Variants in KSR2 observed in about 807,000 individuals in gnomAD.
KSR2 encodes the protein kinase suppressor of ras 2.
Under a neutral mutation model 107.8 loss-of-function variants are expected in KSR2, and 25 were observed. The observed-to-expected ratio is 0.23, with a 90% CI of 0.17 to 0.32. KSR2 has a LOEUF of 0.32. Among genes scored for constraint, KSR2 ranks in the 10% least tolerant of loss-of-function variants. KSR2 has a pLI of 1.00. For synonymous variants in KSR2, 480 were observed against 507.0 expected (o/e 0.95, Z 0.71); for missense variants, 887 against 1,268.9 (o/e 0.70, Z 4.57).
chr12:117,525,299 C>G, intron 13 of KSR2, 80 bp from the exon 14 acceptor site: 2 of 1,450,220 alleles, frequency 1.4e-6, no homozygotes, highest in Non-Finnish European at 1.8e-6. Context: ...GGGTCCCGTG[C>G]ACATGCGTAG....
At chr12:117,472,425 C>A (rs1871518935) in intron 17 of KSR2, among the ~76,000 whole-genome samples, 1 of 152,266 alleles carries the variant, frequency 6.6e-6, no homozygotes, top group South Asian at 2.1e-4. Flanking sequence ...TGTCACTGAG[C>A]TGTATCATGG....
rs190644428 is a variant in KSR2 at position 117,613,783 on chromosome 12, G to C, written c.1172-31424C>G. 4.6e-5 allele frequency among the ~76,000 whole-genome samples: 7 copies of C among 152,316 alleles called. No homozygotes were observed. The East Asian group carries it at 9.6e-4, about 21-fold the overall frequency. The stretch of plus-strand genomic sequence containing the variant: ...GAGCTGATGTATCTGTTAATGGACT[G>C]GCTGTGTCTCTTTGTGGCTCACAGT... On this transcript the variant is annotated intron_variant, in intron 5 of 19. Coordinates refer to ENST00000339824, the MANE Select transcript of KSR2 (RefSeq NM_173598.6).
At chr12:117,968,017 AAAG>A (rs1896847048) in intron 1 of KSR2, 56 bp downstream of exon 1, 2 of 1,369,208 alleles carry the variant, frequency 1.5e-6, no homozygotes, top group Non-Finnish European at 2.0e-6. Context: ...AAGGAGGGGG[AAAG>A]AAGGATTGCT....
At chr12:117,503,168 G>C (rs1873480865) in intron 14 of KSR2, among the ~76,000 whole-genome samples, 1 of 152,146 alleles carries the variant, frequency 6.6e-6, no homozygotes. Context: ...TCAAAGCCAG[G>C]TTTCAGACCC....
At chr12:117,574,675 T>G (rs1025082397) in intron 7 of KSR2, among the ~76,000 whole-genome samples, 2 of 152,098 alleles carry the variant, frequency 1.3e-5, no homozygotes, top group African/African-American at 2.4e-5. Context: ...AGATGAGATT[T>G]GGGTGGGAAC....
chr12:117,663,725 G>A (rs1884532692), intron 5 of KSR2, among the ~76,000 whole-genome samples: 1 of 152,200 alleles, frequency 6.6e-6, no homozygotes, highest in Non-Finnish European at 1.5e-5. Context: ...GGTAATGAAT[G>A]ATGACAATTA....
intron 1 of KSR2, among the ~76,000 whole-genome samples, chr12:117,908,549 C>A (rs1025055602): frequency 2.6e-5 from 4 of 152,146 alleles, no homozygotes; most frequent in Non-Finnish European, 5.9e-5. Context: ...CAAAGTTAAT[C>A]TTTGGGATCT....
rs757516597 is a variant in KSR2, at chr12:117,539,881, T to A, written c.1525A>T (p.Ile509Phe). 3.1e-6 allele frequency: 5 copies of A among 1,608,004 alleles called. No homozygotes were observed. The highest frequency in any genetic ancestry group is 4.2e-6 in the Non-Finnish European group (5 of 1,177,722). The part of the protein sequence containing the change: ...PKTNKINKDH[I>F]PVPYQPDSSS... ...GAGTCTGGCTGGTAAGGGACAGGGA[T>A]GTGGTCCTGCAGAGAGAAAACAGGG... The change falls in exon 10 of 20, where the codon ATC becomes TTC. Residue 509 changes from isoleucine (I) to phenylalanine (F), a missense_variant. Around this residue, in one of 8 missense-constraint regions of KSR2, gnomAD observed 60 missense variants for 77.5 expected, o/e 0.77. Coordinates refer to ENST00000339824, the MANE Select transcript of KSR2 (RefSeq NM_173598.6).
chr12:117,598,224 G>A (rs2136284849), intron 5 of KSR2, among the ~76,000 whole-genome samples: 1 of 152,244 alleles, frequency 6.6e-6, no homozygotes, highest in East Asian at 1.9e-4. Flanking sequence ...TAAGTGAGAA[G>A]ATACAATAGC....
intron 9 of KSR2, among the ~76,000 whole-genome samples, chr12:117,554,267 G>A (rs551964062): frequency 6.6e-6 from 1 of 152,106 alleles, no homozygotes; most frequent in Non-Finnish European, 1.5e-5. Context: ...TTGAAAGAAA[G>A]ATGCACAGAG....
At chr12:117,731,666 G>A (rs1393678264) in intron 4 of KSR2, among the ~76,000 whole-genome samples, 1 of 152,156 alleles carries the variant, frequency 6.6e-6, no homozygotes, top group East Asian at 1.9e-4. Context: ...GTAGACATGG[G>A]AGACTCCATT....
intron 4 of KSR2, among the ~76,000 whole-genome samples, chr12:117,739,678 T>C (rs1413146687): frequency 1.3e-5 from 2 of 152,072 alleles, no homozygotes; most frequent in Non-Finnish European, 2.9e-5. Context: ...ACATGCAGGG[T>C]CCTTGAGGAG....
intron 3 of KSR2, among the ~76,000 whole-genome samples, chr12:117,764,573 G>C (rs1274660302): frequency 6.6e-6 from 1 of 152,150 alleles, no homozygotes; most frequent in African/African-American, 2.4e-5. Context: ...AAAAGATACT[G>C]AAACAAAGGC....
Position 117,855,610 on chromosome 12 carries a change from G to A in KSR2, c.322-32C>T, listed in dbSNP as rs750341539. 7 of 1,611,556 alleles carry A rather than the reference G, an allele frequency of 4.3e-6. No homozygotes were observed. The South Asian group carries it at 5.5e-5, about 13-fold the overall frequency. ...GAGGGGAGAAGGATTGTCAACCGTG[G>A]GGCAGGAACAGCATCTCTGCCTCCA... On this transcript the variant is annotated intron_variant, in intron 2 of 19. Coordinates refer to ENST00000339824, the MANE Select transcript of KSR2 (RefSeq NM_173598.6).
intron 3 of KSR2, among the ~76,000 whole-genome samples, chr12:117,787,182 G>A (rs1890107566): frequency 6.6e-6 from 1 of 152,140 alleles, no homozygotes; most frequent in Admixed American, 6.6e-5. Flanking sequence ...GTGTTTATAT[G>A]ATCATTGCTC....
Position 117,734,092 on chromosome 12 carries a change from C to A in KSR2, c.986+26919G>T, listed in dbSNP as rs530411174. ...GGTTAAGAGTTTGAGACCAGCCTGG[C>A]CAACATGGTGAAACCCCGTCTCTAC... On this transcript the variant is annotated intron_variant, in intron 4 of 19. Transcript: ENST00000339824. Among the ~76,000 whole-genome samples, 3 of 152,122 alleles carry A rather than the reference C, an allele frequency of 2.0e-5. No homozygotes were observed. The South Asian group carries it at 6.2e-4, about 32-fold the overall frequency.
intron 1 of KSR2, among the ~76,000 whole-genome samples, chr12:117,941,118 C>T (rs1158780974): frequency 6.6e-6 from 1 of 151,968 alleles, no homozygotes; most frequent in Non-Finnish European, 1.5e-5. Flanking sequence ...ATTTTTATTT[C>T]TGGGGTTATA....
chr12:117,814,884 T>C (rs34276792), intron 3 of KSR2, among the ~76,000 whole-genome samples: 21,438 of 152,166 alleles, frequency 0.14, 1,688 homozygotes, highest in Middle Eastern at 0.22. Flanking sequence ...AAATATTTGC[T>C]ACTCATGTCA....
At chr12:117,848,834 AGTGGT>A (rs1892807293) in intron 3 of KSR2, among the ~76,000 whole-genome samples, 12 of 133,698 alleles carry the variant, frequency 9.0e-5, no homozygotes, top group Admixed American at 1.6e-4. Flanking sequence ...TGATGGTGGT[AGTGGT>A]GGTGATGGTG....
Sources: allele counts gnomAD v4.1 joint callset (sites outside exome capture counted in the v4.1 genomes callset), GRCh38; gene constraint gnomAD v4.1.1; regional missense constraint gnomAD v4.1.1; transcripts MANE v1.5; gene names NCBI Gene and HGNC (gene_info 2026-07-23, HGNC 2026-07-21).